ATF1: variants seen among roughly 807,000 people sequenced by gnomAD.
ATF1 encodes the protein cyclic AMP-dependent transcription factor ATF-1.
Under a neutral mutation model 34.7 loss-of-function variants are expected in ATF1, and 16 were observed. The observed-to-expected ratio is 0.46, with a 90% CI of 0.31 to 0.70. The LOEUF (loss-of-function observed/expected upper bound fraction) is 0.70, where lower values mean the gene tolerates loss of function less well. Ranked by LOEUF, ATF1 falls within the 30% of genes least tolerant of loss-of-function variation. The probability of loss-of-function intolerance (pLI) is 0.05; values close to 1 mark genes in which losing one functional copy is unlikely to be tolerated. For missense variants in ATF1, 255 were observed against 321.6 expected (o/e 0.79, Z 1.58); for synonymous variants, 105 against 113.1 (o/e 0.93, Z 0.46).
chr12:50,795,834 T>C, intron 2 of ATF1, 75 bp from the exon 3 acceptor site: 5 of 1,167,334 alleles, frequency 4.3e-6, no homozygotes, highest in Non-Finnish European at 6.3e-6. Flanking sequence ...AGATCATTTT[T>C]TTCTAAAAGT....
chr12:50,775,098 T>G (rs532540091), intron 1 of ATF1, among the ~76,000 whole-genome samples: 85 of 151,942 alleles, frequency 5.6e-4, no homozygotes, highest in African/African-American at 2.0e-3. Flanking sequence ...GAAAATATGT[T>G]ATCTTTTGTT....
chr12:50,797,312 T>C (rs1005945629), intron 3 of ATF1, among the ~76,000 whole-genome samples: 2 of 152,208 alleles, frequency 1.3e-5, no homozygotes, highest in African/African-American at 4.8e-5. Context: ...AGGTGTATGT[T>C]GTAAAGTAAA....
At chr12:50,806,946 G>T (rs1941627791) in intron 3 of ATF1, among the ~76,000 whole-genome samples, 1 of 152,182 alleles carries the variant, frequency 6.6e-6, no homozygotes, top group Non-Finnish European at 1.5e-5. Context: ...GTCTACAGTT[G>T]TATTAGCTCT....
intron 2 of ATF1, among the ~76,000 whole-genome samples, chr12:50,789,706 G>C (rs927920860): frequency 4.6e-5 from 7 of 152,092 alleles, no homozygotes; most frequent in Non-Finnish European, 8.8e-5. Flanking sequence ...AGGGAGCCGA[G>C]ATTGTGCCAC....
At chr12:50,781,912 C>A (rs1941070793) in intron 2 of ATF1, among the ~76,000 whole-genome samples, 1 of 40,318 alleles carries the variant, frequency 2.5e-5, no homozygotes, top group Admixed American at 2.2e-4. Context: ...GAGACCCTAT[C>A]TCCAAAAAAA....
At chr12:50,816,578 G>T (rs191091425) in intron 6 of ATF1, among the ~76,000 whole-genome samples, 2 of 151,986 alleles carry the variant, frequency 1.3e-5, no homozygotes, top group African/African-American at 4.8e-5. Context: ...CCATAAATAT[G>T]CACAGAAACA....
chr12:50,819,291 G>C (rs1266172434), intron 6 of ATF1, among the ~76,000 whole-genome samples: 1 of 152,170 alleles, frequency 6.6e-6, no homozygotes, highest in African/African-American at 2.4e-5. Flanking sequence ...AGAGTACATA[G>C]TGTATGACAC....
intron 1 of ATF1, chr12:50,775,793 G>C (rs1250467557): frequency 2.0e-5 from 3 of 152,040 alleles, no homozygotes; most frequent in African/African-American, 7.2e-5. Flanking sequence ...TTCTGAAGTG[G>C]AGTATTTAAA....
intron 2 of ATF1, among the ~76,000 whole-genome samples, chr12:50,782,688 T>C (rs113882284): frequency 6.7e-5 from 5 of 74,916 alleles, no homozygotes; most frequent in Non-Finnish European, 1.5e-4. Flanking sequence ...GTGGCCAGCC[T>C]TTTTTTTTTT....
At chr12:50,778,483 A>T (rs1421098952) in intron 1 of ATF1, among the ~76,000 whole-genome samples, 1 of 152,050 alleles carries the variant, frequency 6.6e-6, no homozygotes, top group South Asian at 2.1e-4. Context: ...TCGGCCTCCC[A>T]AAGTGCTGAG....
In ATF1 at chr12:50,800,587, G is replaced by T. The variant is rs139609417; in HGVS notation, c.194+4578G>T. The stretch of plus-strand genomic sequence containing the variant: ...CCTTAGCACCCAAGCTCTGCCTCCT[G>T]TCAAATCAGTGGCATATTAGATTCT... On this transcript the variant is annotated intron_variant, in intron 3 of 6. Transcript: ENST00000262053. Among the ~76,000 whole-genome samples, 65 of 152,264 alleles carry T rather than the reference G, an allele frequency of 4.3e-4. 1 individual carries two copies. The highest frequency in any genetic ancestry group is 1.5e-3 in the African/African-American group (61 of 41,554).
intron 2 of ATF1, among the ~76,000 whole-genome samples, chr12:50,787,381 C>T (rs1592180235): frequency 6.6e-6 from 1 of 152,102 alleles, no homozygotes. Context: ...AAAACATGCA[C>T]AGACAGCTGG....
At chr12:50,780,745 G>A (rs928807965) in intron 2 of ATF1, among the ~76,000 whole-genome samples, 2 of 151,504 alleles carry the variant, frequency 1.3e-5, no homozygotes, top group Non-Finnish European at 2.9e-5. Context: ...GGCGGATCAC[G>A]AGGTCAAGAG....
At chr12:50,777,101 A>C (rs1247344816) in intron 1 of ATF1, among the ~76,000 whole-genome samples, 1 of 152,006 alleles carries the variant, frequency 6.6e-6, no homozygotes, top group Non-Finnish European at 1.5e-5. Context: ...TGATCTGCCC[A>C]CCTCGGCCTC....
At chr12:50,772,883 C>T (rs1310817075) in intron 1 of ATF1, among the ~76,000 whole-genome samples, 1 of 152,136 alleles carries the variant, frequency 6.6e-6, no homozygotes, top group Non-Finnish European at 1.5e-5. Flanking sequence ...AGCGCAGCAT[C>T]CATTAGCTGT....
intron 2 of ATF1, chr12:50,788,378 G>A (rs1476310513): frequency 2.8e-6 from 1 of 351,264 alleles, no homozygotes; most frequent in Non-Finnish European, 5.6e-6. Flanking sequence ...TAGAGATGGG[G>A]TTTTGCAGTG....
chr12:50,819,614 T>G (rs1024789492), intron 6 of ATF1, 21 bp from the exon 7 acceptor site: 1 of 1,604,804 alleles, frequency 6.2e-7, no homozygotes, highest in Non-Finnish European at 8.5e-7. Flanking sequence ...CTAACATTGT[T>G]TTTTTAATGC....
chr12:50,813,960 T>C, intron 4 of ATF1, 50 bp from the exon 5 acceptor site: 2 of 1,531,442 alleles, frequency 1.3e-6, no homozygotes, highest in Middle Eastern at 1.8e-4. Context: ...CTCCTTTGAA[T>C]TAGTGTATTA....
At chr12:50,777,057 A>T (rs961904910) in intron 1 of ATF1, among the ~76,000 whole-genome samples, 3 of 152,006 alleles carry the variant, frequency 2.0e-5, no homozygotes, top group Admixed American at 6.6e-5. Flanking sequence ...TTTCACTGTG[A>T]TGGCCAGACT....
Sources: allele counts gnomAD v4.1 joint callset (sites outside exome capture counted in the v4.1 genomes callset), GRCh38; gene constraint gnomAD v4.1.1; transcripts MANE v1.5; gene names NCBI Gene and HGNC (gene_info 2026-07-23, HGNC 2026-07-21).